RGS7: variants seen among roughly 807,000 people sequenced by gnomAD.
RGS7 encodes regulator of G-protein signaling 7.
In RGS7, 27 loss-of-function variants were observed where a neutral mutation model predicts 81.1. The ratio of observed to expected loss-of-function variants is 0.33; its 90% confidence interval spans 0.25 to 0.46. The LOEUF (loss-of-function observed/expected upper bound fraction) is 0.46, where lower values mean the gene tolerates loss of function less well. RGS7 is among the 20% of genes least tolerant of loss of function. The probability of loss-of-function intolerance (pLI) is 1.00; values close to 1 mark genes in which losing one functional copy is unlikely to be tolerated. For missense variants in RGS7, 396 were observed against 607.4 expected, an observed-to-expected ratio of 0.65 and a Z score of 3.66; for synonymous variants, 208 against 207.7, an observed-to-expected ratio of 1.00 and a Z score of -0.01.
chr1:241,345,218 A>T (rs901195330), intron 2 of RGS7, among the ~76,000 whole-genome samples: 2 of 152,176 alleles, frequency 1.3e-5, no homozygotes, highest in African/African-American at 2.4e-5. Flanking sequence ...GGAACAACAC[A>T]CATTGAGGCC....
chr1:240,782,382 A>G (rs1684269424), intron 18 of RGS7, among the ~76,000 whole-genome samples: 1 of 152,058 alleles, frequency 6.6e-6, no homozygotes. Flanking sequence ...TCTTTTCCCA[A>G]TTTTTCCAAA....
chr1:241,187,715 T>G (rs2072255141), intron 2 of RGS7, among the ~76,000 whole-genome samples: 1 of 152,202 alleles, frequency 6.6e-6, no homozygotes, highest in South Asian at 2.1e-4. Flanking sequence ...ATTAACCAAG[T>G]ATATACTGCC....
chr1:240,998,993 TGTCA>T (rs1210956175), intron 3 of RGS7, among the ~76,000 whole-genome samples: 17 of 152,186 alleles, frequency 1.1e-4, no homozygotes. Context: ...TGCTCCTTTT[TGTCA>T]GTCTGTTTTC....
At chr1:241,030,385 T>TATAC (rs1282576318) in intron 3 of RGS7, among the ~76,000 whole-genome samples, 2 of 136,202 alleles carry the variant, frequency 1.5e-5, no homozygotes, top group Admixed American at 1.5e-4. Flanking sequence ...CATACACACA[T>TATAC]ACATACACAC....
chr1:241,065,460 T>G (rs2148848614), intron 3 of RGS7, among the ~76,000 whole-genome samples: 1 of 152,216 alleles, frequency 6.6e-6, no homozygotes, highest in South Asian at 2.1e-4. Flanking sequence ...TTAAATGCTC[T>G]TCTTAAGACA....
In RGS7 at chr1:241,265,852, C is replaced by T. The variant is rs540744422; in HGVS notation, c.78+89847G>A. 1.8e-4 allele frequency among the ~76,000 whole-genome samples: 25 copies of T among 141,750 alleles called. No individual in the cohort carries two copies. The South Asian group carries it at 3.1e-3, about 18-fold the overall frequency. The allele number at this position is 141,750 out of a possible 152,430, so 93.0% of individuals were successfully genotyped here. On this transcript the variant is annotated intron_variant, in intron 2 of 18. Transcript: ENST00000440928. ...TCTTGTTGCCCAGGCTGGAATGCAACGGCGCAATCTCGGCTCAACGCAACC... is the reference window on the plus strand; with the variant it reads ...TCTTGTTGCCCAGGCTGGAATGCAATGGCGCAATCTCGGCTCAACGCAACC...
At chr1:241,303,353 C>T (rs191802990) in intron 2 of RGS7, among the ~76,000 whole-genome samples, 386 of 152,294 alleles carry the variant, frequency 2.5e-3, no homozygotes, top group Non-Finnish European at 4.5e-3. Flanking sequence ...CCTCCTTCCC[C>T]TTCGGCCATG....
At chr1:240,790,470 A>T (rs112627669) in intron 18 of RGS7, among the ~76,000 whole-genome samples, 11 of 152,228 alleles carry the variant, frequency 7.2e-5, no homozygotes, top group African/African-American at 2.4e-4. Context: ...CAATGTAGAG[A>T]TTTTAACTAA....
intron 2 of RGS7, among the ~76,000 whole-genome samples, chr1:241,265,853 G>A (rs982556340): frequency 8.3e-5 from 12 of 145,288 alleles, no homozygotes; most frequent in South Asian, 2.2e-4. Flanking sequence ...GGAATGCAAC[G>A]GCGCAATCTC....
chr1:240,893,894 G>A (rs34237903), intron 6 of RGS7, among the ~76,000 whole-genome samples: 19,433 of 152,102 alleles, frequency 0.13, 1,353 homozygotes, highest in Middle Eastern at 0.17. Context: ...AAAACAATCA[G>A]TGCTTATTTG....
chr1:240,928,074 C>A (rs1321004826), intron 6 of RGS7, among the ~76,000 whole-genome samples: 4 of 152,188 alleles, frequency 2.6e-5, no homozygotes, highest in Non-Finnish European at 5.9e-5. Context: ...CCACAACAAC[C>A]CTTGATCTTG....
At chr1:240,943,602 C>T (rs145459840) in intron 4 of RGS7, among the ~76,000 whole-genome samples, 18 of 152,260 alleles carry the variant, frequency 1.2e-4, no homozygotes, top group East Asian at 1.2e-3. Context: ...CTATTTTAAA[C>T]GCCCCAGGTG....
At chr1:241,130,147 T>A (rs1461745833) in intron 2 of RGS7, among the ~76,000 whole-genome samples, 1 of 152,098 alleles carries the variant, frequency 6.6e-6, no homozygotes, top group Admixed American at 6.6e-5. Context: ...CTATGTGGCA[T>A]GAAAATTGTT....
intron 3 of RGS7, among the ~76,000 whole-genome samples, chr1:241,042,652 G>A (rs953186011): frequency 2.0e-4 from 30 of 151,998 alleles, no homozygotes; most frequent in African/African-American, 6.7e-4. Context: ...TGGCCGGGCC[G>A]GGCTTGGCCG....
In RGS7 at chr1:240,859,198, C is replaced by T. The variant is rs567222887; in HGVS notation, c.609+9389G>A. ...TTTAAATTTTTGAGACAGGGTCTTGCTGTGTTGCCCAGACTGGTCTTGAAC... is the reference window on the plus strand; with the variant it reads ...TTTAAATTTTTGAGACAGGGTCTTGTTGTGTTGCCCAGACTGGTCTTGAAC... On this transcript the variant is annotated intron_variant, in intron 9 of 18. Transcript: ENST00000440928. Among the ~76,000 whole-genome samples, 3 of 152,196 alleles carry T rather than the reference C, an allele frequency of 2.0e-5. No homozygotes were observed. In the East Asian group the frequency reaches 5.8e-4, roughly 29 times the overall value.
intron 2 of RGS7, among the ~76,000 whole-genome samples, chr1:241,295,123 T>C (rs2079325934): frequency 6.6e-6 from 1 of 152,234 alleles, no homozygotes; most frequent in Admixed American, 6.5e-5. Flanking sequence ...GTTACTTTCA[T>C]AATTTAAAAC....
intron 2 of RGS7, among the ~76,000 whole-genome samples, chr1:241,203,018 T>C (rs953510269): frequency 1.3e-5 from 2 of 152,142 alleles, no homozygotes; most frequent in Non-Finnish European, 2.9e-5. Context: ...GGTGCAGCAC[T>C]AAAAATAGAA....
At chr1:241,254,125 G>C (rs899847513) in intron 2 of RGS7, among the ~76,000 whole-genome samples, 1 of 151,598 alleles carries the variant, frequency 6.6e-6, no homozygotes, top group African/African-American at 2.4e-5. Flanking sequence ...GCACAAACCC[G>C]GGAGGTGGGG....
At chr1:240,901,235 T>C (rs35293479) in intron 6 of RGS7, among the ~76,000 whole-genome samples, 19,496 of 152,248 alleles carry the variant, frequency 0.13, 1,366 homozygotes, top group Middle Eastern at 0.18. Context: ...CGACCCCTTG[T>C]GCTTCCCAGG....
Sources: allele counts gnomAD v4.1 joint callset (sites outside exome capture counted in the v4.1 genomes callset), GRCh38; gene constraint gnomAD v4.1.1; transcripts MANE v1.5; gene names NCBI Gene and HGNC (gene_info 2026-07-23, HGNC 2026-07-21).